The following FOXK1 variants were observed in gnomAD, a reference collection of about 807,000 sequenced individuals.
FOXK1 encodes forkhead box K1.
Under a neutral mutation model 51.9 loss-of-function variants are expected in FOXK1, and 19 were observed. The ratio of observed to expected loss-of-function variants is 0.37; its 90% CI spans 0.26 to 0.54. The LOEUF is 0.54. FOXK1 is among the 20% of genes least tolerant of loss of function. The pLI is 0.87. For synonymous variants in FOXK1, 537 were observed against 482.6 expected, an observed-to-expected ratio of 1.11 and a Z score of -1.48; for missense variants, 870 against 1,032.7, an observed-to-expected ratio of 0.84 and a Z score of 2.16.
At chr7:4,750,505 C>A (rs138207624) in intron 2 of FOXK1, among the ~76,000 whole-genome samples, 2 of 151,294 alleles carry the variant, frequency 1.3e-5, no homozygotes, top group Non-Finnish European at 2.9e-5. Context: ...TGCAGTGGCA[C>A]GATCTCTGCT....
At chr7:4,719,763 T>G (rs1374375505) in intron 1 of FOXK1, among the ~76,000 whole-genome samples, 3 of 152,220 alleles carry the variant, frequency 2.0e-5, no homozygotes, top group African/African-American at 7.2e-5. Flanking sequence ...ATTACAGGTT[T>G]GAGCCACCGC....
At chr7:4,705,517 T>TTC (rs56842360) in intron 1 of FOXK1, among the ~76,000 whole-genome samples, 10,068 of 111,340 alleles carry the variant, frequency 0.09, 515 homozygotes, top group Admixed American at 0.16. Context: ...TTCCTTCTCT[T>TTC]TCTCTCTCTC....
At chr7:4,708,251 CAG>C (rs1780130013) in intron 1 of FOXK1, among the ~76,000 whole-genome samples, 1 of 152,152 alleles carries the variant, frequency 6.6e-6, no homozygotes, top group South Asian at 2.1e-4. Flanking sequence ...TCCTGGCTGG[CAG>C]AGAGGTCTCT....
chr7:4,766,080 G>T lies in FOXK1; in HGVS notation c.*3616G>T. On this transcript the variant is annotated 3_prime_UTR_variant, in exon 9 of 9. Transcript: ENST00000328914. The surrounding 1 kb of genome is among the most constrained non-coding windows in gnomAD (Gnocchi z 5.5). ...CAGCCACTTGTGTCTTTCTTTCCAT[G>T]TGGGAGTTCTCCCGGTGACACCTGC... 1 of 152,462 alleles carries T rather than the reference G, an allele frequency of 6.6e-6. No homozygotes were observed. The allele number at this position is 152,462 out of a possible 1,614,324, so 9.4% of individuals were successfully genotyped here. A position where few individuals can be genotyped will look rare whatever the true frequency, so the allele number is the denominator to read the frequency against.
At chr7:4,698,306 G>A (rs1562370007) in intron 1 of FOXK1, among the ~76,000 whole-genome samples, 1 of 150,234 alleles carries the variant, frequency 6.7e-6, no homozygotes, top group African/African-American at 2.5e-5. Context: ...ATATATGTAT[G>A]TGTGTGTATA....
At chr7:4,742,414 A>G (rs1780646926) in intron 2 of FOXK1, among the ~76,000 whole-genome samples, 1 of 151,972 alleles carries the variant, frequency 6.6e-6, no homozygotes, top group African/African-American at 2.4e-5. Flanking sequence ...AGGAGAAGAA[A>G]GGGCTTTTGT....
At chr7:4,740,171 C>T (rs1320615623) in intron 1 of FOXK1, among the ~76,000 whole-genome samples, 1 of 152,176 alleles carries the variant, frequency 6.6e-6, no homozygotes, top group African/African-American at 2.4e-5. Flanking sequence ...TGGCTCACGC[C>T]TGTAATCCCA....
chr7:4,700,330 A>G (rs1030761395), intron 1 of FOXK1, among the ~76,000 whole-genome samples: 6 of 152,242 alleles, frequency 3.9e-5, no homozygotes, highest in South Asian at 2.1e-4. Flanking sequence ...TCTGAATGCA[A>G]AAATAACCTG....
At chr7:4,706,036 G>GTGTATATACATA (rs1562373226) in intron 1 of FOXK1, among the ~76,000 whole-genome samples, 1 of 125,584 alleles carries the variant, frequency 8.0e-6, no homozygotes, top group Non-Finnish European at 1.5e-5. Flanking sequence ...GTATATACGT[G>GTGTATATACATA]TATATACGTG....
Position 4,761,340 on chromosome 7 carries a change from A to G in FOXK1, c.1921+52A>G, listed in dbSNP as rs545172875. On this transcript the variant is annotated intron_variant, in intron 8 of 8. Coordinates refer to ENST00000328914, the MANE Select transcript of FOXK1 (RefSeq NM_001037165.2). This position sits in a 1 kb window ranked among gnomAD's most constrained non-coding sequence, Gnocchi z 6.2. ...CCACATCCCAAGCTCTGTGGCTCCC[A>G]GTAGTCAGTGCGGCATGAGAATGTT... 2 of 1,539,024 alleles carry G rather than the reference A, an allele frequency of 1.3e-6. No homozygotes were observed. Among genetic ancestry groups the G allele is most frequent in the Non-Finnish European group, 8.9e-7 (1 of 1,128,988 alleles).
At position 4,698,127 on chromosome 7, in the gene FOXK1, A is replaced by C. The variant is rs912613628; in HGVS notation, c.560+15259A>C. Among the ~76,000 whole-genome samples, 49 of 152,046 alleles carry C rather than the reference A, an allele frequency of 3.2e-4. 1 individual carries two copies. The highest frequency in any genetic ancestry group is 1.2e-3 in the African/African-American group (49 of 41,406). ...GGCGAGAGCCACTGTGCCCAGCCCT[A>C]ATTTGTTATTAAAATTTTACGTTTT... On this transcript the variant is annotated intron_variant, in intron 1 of 8. Transcript: ENST00000328914.
At chr7:4,695,859 C>A (rs1779944673) in intron 1 of FOXK1, among the ~76,000 whole-genome samples, 1 of 151,872 alleles carries the variant, frequency 6.6e-6, no homozygotes, top group South Asian at 2.1e-4. Flanking sequence ...TTGCTTGAAT[C>A]CAGGAGGGAG....
Position 4,762,482 on chromosome 7 carries a change from G to C in FOXK1, c.*18G>C. The C allele has an allele frequency of 6.5e-7, 1 of 1,535,982 alleles. No individual in the cohort carries two copies. The highest frequency in any genetic ancestry group is 8.8e-7 in the Non-Finnish European group (1 of 1,137,650). ...GGGAGTGAGGTCACCTGCAACGCGG[G>C]GGAGTGGGACTCACCCAGCGGCGAC... is the stretch of plus-strand genomic sequence containing the variant. On this transcript the variant is annotated 3_prime_UTR_variant, in exon 9 of 9. Transcript: ENST00000328914. The surrounding 1 kb of genome is among the most constrained non-coding windows in gnomAD (Gnocchi z 5.7).
In FOXK1 at chr7:4,707,432, G is replaced by A. The variant is rs1780116690; in HGVS notation, c.560+24564G>A. Among the ~76,000 whole-genome samples, 1 of 152,202 alleles carries A rather than the reference G, an allele frequency of 6.6e-6. No individual in the cohort carries two copies. The highest frequency in any genetic ancestry group is 1.5e-5 in the Non-Finnish European group (1 of 68,036). ...TGAAAGCAGGCCTCTCCCTGGGCGG[G>A]CTTTCCGTGTTATTAATCTACTTTA... is the stretch of plus-strand genomic sequence containing the variant. On this transcript the variant is annotated intron_variant, in intron 1 of 8. Transcript: ENST00000328914. The surrounding 1 kb of genome is among the most constrained non-coding windows in gnomAD (Gnocchi z 4.1).
At chr7:4,685,680 C>A (rs111810811) in intron 1 of FOXK1, among the ~76,000 whole-genome samples, 13,150 of 151,946 alleles carry the variant, frequency 0.087, 1,140 homozygotes, top group African/African-American at 0.22. Flanking sequence ...TACAGCCTCA[C>A]GCCTGTAATC....
chr7:4,728,509 C>T (rs1022335353), intron 1 of FOXK1, among the ~76,000 whole-genome samples: 2 of 152,100 alleles, frequency 1.3e-5, no homozygotes, highest in East Asian at 1.9e-4. Flanking sequence ...CTAAAGTGCA[C>T]GTGCTGTGTG....
At chr7:4,705,680 A>T (rs909489030) in intron 1 of FOXK1, among the ~76,000 whole-genome samples, 1 of 151,450 alleles carries the variant, frequency 6.6e-6, no homozygotes, top group Admixed American at 6.6e-5. Flanking sequence ...GGGACTATAC[A>T]GGCTTGTGCC....
rs1023371601 is a variant in FOXK1, at chr7:4,715,239, C to T, written c.561-25599C>T. 2.5e-5 allele frequency among the ~76,000 whole-genome samples: 3 copies of T among 119,458 alleles called. No homozygotes were observed. The highest frequency in any genetic ancestry group is 8.4e-5 in the Admixed American group (1 of 11,932). 78.4% of individuals were successfully genotyped at this position (119,458 alleles called of 152,430 possible). A position where few individuals can be genotyped will look rare whatever the true frequency, so the allele number is the denominator to read the frequency against. ...GGAACTGTGATGATATCGGGCATGG[C>T]GAAATTGTGATACGGTGCATGGTGT... is the stretch of plus-strand genomic sequence containing the variant. On this transcript the variant is annotated intron_variant, in intron 1 of 8. Coordinates refer to ENST00000328914, the MANE Select transcript of FOXK1 (RefSeq NM_001037165.2). This position sits in a 1 kb window ranked among gnomAD's most constrained non-coding sequence, Gnocchi z 4.5.
rs546964749 is a variant in FOXK1 at position 4,730,963 on chromosome 7, T to C, written c.561-9875T>C. ...AGGAGGATCCCTTGAGGCCAGGAGT[T>C]GGAGACTAGCCTGGGCAACATAACA... On this transcript the variant is annotated intron_variant, in intron 1 of 8. Transcript: ENST00000328914. The surrounding 1 kb of genome is among the most constrained non-coding windows in gnomAD (Gnocchi z 4.7). 6.6e-6 allele frequency among the ~76,000 whole-genome samples: 1 copy of C among 152,054 alleles called. No homozygotes were observed. The highest frequency in any genetic ancestry group is 2.4e-5 in the African/African-American group (1 of 41,456).
Sources: allele counts gnomAD v4.1 joint callset (sites outside exome capture counted in the v4.1 genomes callset), GRCh38; gene constraint gnomAD v4.1.1; non-coding constraint Gnocchi (gnomAD v3.1); transcripts MANE v1.5; gene names NCBI Gene and HGNC (gene_info 2026-07-23, HGNC 2026-07-21).